The following RPL35A variants were observed in gnomAD, a reference collection of about 807,000 sequenced individuals.
RPL35A encodes the protein large ribosomal subunit protein eL33.
A neutral mutation model predicts 16.7 loss-of-function variants in RPL35A; 1 was observed. The observed-to-expected ratio is 0.06, with a 90% confidence interval of 0.02 to 0.28. RPL35A has a LOEUF of 0.28. RPL35A is among the 10% of genes least tolerant of loss of function. The pLI is 1.00. For missense variants in RPL35A, 91 were observed against 138.7 expected (o/e 0.66, Z 1.73); for synonymous variants, 58 against 47.0 (o/e 1.23, Z -0.96).
At chr3:197,953,450 G>C (rs1328556195) in intron 3 of RPL35A, 1 of 456,712 alleles carries the variant, frequency 2.2e-6, no homozygotes, top group Admixed American at 2.3e-5. Context: ...TTCAGTAAAA[G>C]CCCGTCATTA....
chr3:197,950,601 G>C, intron 1 of RPL35A: 1 of 380,812 alleles, frequency 2.6e-6, no homozygotes, highest in Non-Finnish European at 4.7e-6. Flanking sequence ...AAAGTCTTAC[G>C]TGTGTGTTTC....
At chr3:197,954,272 G>T (rs1720356489) in intron 4 of RPL35A, 125 bp downstream of exon 4, 1 of 907,198 alleles carries the variant, frequency 1.1e-6, no homozygotes, top group South Asian at 1.4e-5. Flanking sequence ...TGCAAAATTT[G>T]TGTATTGCAG....
In RPL35A at chr3:197,955,617, G is replaced by C. The variant is rs1256594369; in HGVS notation, c.310-133G>C. On this transcript the variant is annotated intron_variant, in intron 4 of 4. Coordinates refer to ENST00000647248, the MANE Select transcript of RPL35A (RefSeq NM_000996.4). ...ACGGTATGTTCACGTAGAGACTGAA[G>C]GCTATAAAAACTTTCCTTACCACTA... 5 of 797,108 alleles carry C rather than the reference G, an allele frequency of 6.3e-6. No homozygotes were observed. In the East Asian group the frequency reaches 1.2e-4, roughly 20 times the overall value. 49.4% of individuals were successfully genotyped at this position (797,108 alleles called of 1,614,324 possible).
In RPL35A at chr3:197,956,131, A is replaced by AT. The variant is rs1249688338; in HGVS notation, c.*364dup. 5 of 282,798 alleles carry AT rather than the reference A, an allele frequency of 1.8e-5. No homozygotes were observed. Among genetic ancestry groups the AT allele is most frequent in the Non-Finnish European group, 3.5e-5 (5 of 144,338 alleles). 17.5% of individuals were successfully genotyped at this position (282,798 alleles called of 1,614,324 possible). A position where few individuals can be genotyped will look rare whatever the true frequency, so the allele number is the denominator to read the frequency against. ...GCCACCATCCCTGGGTCATTTTTAA[A>AT]TTTTTTGTAGAGAGGGTCTGACTCT... On this transcript the variant is annotated 3_prime_UTR_variant, in exon 5 of 5. Coordinates refer to ENST00000647248, the MANE Select transcript of RPL35A (RefSeq NM_000996.4).
At chr3:197,950,243 G>A (rs1358737955) in intron 1 of RPL35A, 22 bp downstream of exon 1, 3 of 1,230,626 alleles carry the variant, frequency 2.4e-6, no homozygotes, top group Non-Finnish European at 3.0e-6. Context: ...GTCTGCTGCT[G>A]AAATTTGGGG....
intron 1 of RPL35A, chr3:197,950,709 T>C: frequency 1.7e-6 from 1 of 574,776 alleles, no homozygotes; most frequent in Non-Finnish European, 3.1e-6. Flanking sequence ...CTCCTGTCCC[T>C]TAGTTTTGTC....
rs1560119889 is a variant in RPL35A, at chr3:197,950,992, A to G, written c.11+14A>G. On this transcript the variant is annotated intron_variant, in intron 2 of 4. Coordinates refer to ENST00000647248, the MANE Select transcript of RPL35A (RefSeq NM_000996.4). ...TATGTCTGGAAGGTACGCGTTTTAA[A>G]TATAGTTCTTTATTTTTGTGTGTTA... 4 of 1,613,304 alleles carry G rather than the reference A, an allele frequency of 2.5e-6. No homozygotes were observed. Among genetic ancestry groups the G allele is most frequent in the African/African-American group, 1.3e-5 (1 of 74,912 alleles).
chr3:197,951,026 C>T, intron 2 of RPL35A, 48 bp downstream of exon 2: 1 of 1,604,398 alleles, frequency 6.2e-7, no homozygotes, highest in Non-Finnish European at 8.5e-7. Context: ...TAGACGTGAA[C>T]GTAAATGCGA....
chr3:197,951,017 A>C, intron 2 of RPL35A, 39 bp downstream of exon 2: 4 of 1,608,826 alleles, frequency 2.5e-6, no homozygotes, highest in Non-Finnish European at 3.4e-6. Context: ...TTTGTGTGTT[A>C]GACGTGAACG....
intron 3 of RPL35A, chr3:197,953,699 T>C (rs1560122819): frequency 4.4e-6 from 2 of 452,250 alleles, no homozygotes; most frequent in Admixed American, 6.7e-5. Flanking sequence ...ATCCTCACAC[T>C]TGTCCTTTTT....
intron 1 of RPL35A, 107 bp downstream of exon 1, chr3:197,950,328 G>A (rs913707088): frequency 6.5e-6 from 8 of 1,227,688 alleles, no homozygotes; most frequent in Non-Finnish European, 8.1e-6. Context: ...GCCAGCCATT[G>A]ATTTCTACGG....
intron 2 of RPL35A, 71 bp downstream of exon 2, chr3:197,951,049 C>T (rs1581097230): frequency 1.2e-6 from 2 of 1,602,976 alleles, no homozygotes; most frequent in Non-Finnish European, 1.7e-6. Context: ...TTAAAATTGG[C>T]AAGAAAAAAC....
chr3:197,951,854 C>T (rs1364175558), intron 3 of RPL35A, among the ~76,000 whole-genome samples: 2 of 151,770 alleles, frequency 1.3e-5, no homozygotes, highest in Non-Finnish European at 2.9e-5. Context: ...TGTGCCACCA[C>T]GCCCGGCTAA....
intron 1 of RPL35A, 112 bp downstream of exon 1, chr3:197,950,333 C>T (rs557792038): frequency 1.6e-6 from 2 of 1,226,964 alleles, no homozygotes; most frequent in African/African-American, 1.6e-5. Context: ...CCATTGATTT[C>T]TACGGGTTTC....
intron 3 of RPL35A, among the ~76,000 whole-genome samples, chr3:197,952,194 C>T (rs540405108): frequency 2.1e-5 from 2 of 94,190 alleles, no homozygotes; most frequent in African/African-American, 8.5e-5. Context: ...TTTTTGGAGA[C>T]GGAGTCTCAC....
intron 4 of RPL35A, among the ~76,000 whole-genome samples, chr3:197,954,846 A>G (rs1250376825): frequency 6.6e-6 from 1 of 152,204 alleles, no homozygotes; most frequent in Non-Finnish European, 1.5e-5. Context: ...TTTATTGGGC[A>G]CTGAAGTAAT....
At chr3:197,953,424 A>G (rs1259729274) in intron 3 of RPL35A, 2 of 456,622 alleles carry the variant, frequency 4.4e-6, no homozygotes, top group Non-Finnish European at 8.8e-6. Context: ...TGCTCGAACC[A>G]CAGTAGTTTC....
At position 197,950,431 on chromosome 3, in the gene RPL35A, A is replaced by G. The variant is rs1581095308; in HGVS notation, c.-33+210A>G. On this transcript the variant is annotated intron_variant, in intron 1 of 4. Coordinates refer to ENST00000647248, the MANE Select transcript of RPL35A (RefSeq NM_000996.4). ...GGAGAACGGCTGCCCGGGTTATCCC[A>G]GTTAAATTCCTGGGCCTGAACGGAG... is the stretch of plus-strand genomic sequence containing the variant. 2.5e-5 allele frequency: 20 copies of G among 811,322 alleles called. 1 individual carries two copies. Among genetic ancestry groups the G allele is most frequent in the Non-Finnish European group, 3.2e-5 (20 of 621,916 alleles). The allele number at this position is 811,322 out of a possible 1,614,324, so 50.3% of individuals were successfully genotyped here. A position where few individuals can be genotyped will look rare whatever the true frequency, so the allele number is the denominator to read the frequency against.
In RPL35A at chr3:197,953,802, G is replaced by A. The variant is rs1720316182; in HGVS notation, c.165-201G>A. 1.4e-5 allele frequency: 9 copies of A among 623,990 alleles called. No homozygotes were observed. In the South Asian group the frequency reaches 1.7e-4, roughly 12 times the overall value. 38.7% of individuals were successfully genotyped at this position (623,990 alleles called of 1,614,324 possible). A position where few individuals can be genotyped will look rare whatever the true frequency, so the allele number is the denominator to read the frequency against. ...TCATGTGAAAGATTTTTGTTTTATA[G>A]CTGCTGTATTTTACAGAAGGGCCTG... On this transcript the variant is annotated intron_variant, in intron 3 of 4. Transcript: ENST00000647248.
Sources: gnomAD v4.1 joint callset for allele counts (sites outside exome capture counted in the v4.1 genomes callset) on GRCh38, gnomAD v4.1.1 for gene constraint, MANE v1.5 for transcripts, NCBI Gene and HGNC (gene_info 2026-07-23, HGNC 2026-07-21) for gene names.